MGAM2: variants seen among roughly 807,000 people sequenced by gnomAD.
MGAM2 encodes maltase-glucoamylase 2 (putative).
MGAM2 carries 98 observed loss-of-function variants against 96.1 expected under a neutral mutation model. The ratio of observed to expected loss-of-function variants is 1.02; its 90% CI spans 0.87 to 1.21. The LOEUF (loss-of-function observed/expected upper bound fraction) is 1.21. Among genes scored for constraint, MGAM2 ranks in the 50% most tolerant of loss-of-function variants. The pLI is 0.00. For synonymous variants in MGAM2, 749 were observed against 414.8 expected (o/e 1.81, Z -9.79); for missense variants, 2,055 against 1,182.4 (o/e 1.74, Z -10.82).
intron 45 of MGAM2, among the ~76,000 whole-genome samples, chr7:142,207,756 T>C (rs1449686508): frequency 6.6e-6 from 1 of 151,996 alleles, no homozygotes; most frequent in Admixed American, 6.6e-5. Context: ...TTAAGATGTA[T>C]GGTAATAAAA....
chr7:142,176,201 T>C (rs529430108), intron 32 of MGAM2, among the ~76,000 whole-genome samples: 2 of 152,230 alleles, frequency 1.3e-5, no homozygotes, highest in South Asian at 2.1e-4. Context: ...AAATCTCTTA[T>C]GTTGTATCAT....
At chr7:142,183,177 T>A in intron 32 of MGAM2, 89 bp from the exon 33 acceptor site, 1 of 633,226 alleles carries the variant, frequency 1.6e-6, no homozygotes, top group Non-Finnish European at 2.8e-6. Context: ...CACCATTTCC[T>A]TCTGCACTAT....
At chr7:142,173,457 C>A in intron 31 of MGAM2, 103 bp downstream of exon 31, 1 of 609,826 alleles carries the variant, frequency 1.6e-6, no homozygotes, top group South Asian at 2.0e-5. Flanking sequence ...TAACTTGATA[C>A]ATTCAGGCTG....
chr7:142,147,429 G>T (rs1435371892), intron 14 of MGAM2, 27 bp from the exon 15 acceptor site: 1 of 690,886 alleles, frequency 1.4e-6, no homozygotes, highest in Non-Finnish European at 2.6e-6. Context: ...ATGAGGAAGT[G>T]CCTCACTAAT....
rs1427393697 is a variant in MGAM2 at position 142,171,455 on chromosome 7, A to G, written c.3351+15A>G. On this transcript the variant is annotated intron_variant, in intron 28 of 47. Transcript: ENST00000477922. Reference sequence around the variant, plus strand: ...AGCCACCTGCGGTAGGGACAAAGGAATAAGTTTAGCAATCAGTTTCTCTTT... The same window carrying G: ...AGCCACCTGCGGTAGGGACAAAGGAGTAAGTTTAGCAATCAGTTTCTCTTT... The G allele has an allele frequency of 1.4e-6, 1 of 701,148 alleles. No homozygotes were observed. The highest frequency in any genetic ancestry group is 1.5e-5 in the South Asian group (1 of 67,528). The allele number at this position is 701,148 out of a possible 1,614,324, so 43.4% of individuals were successfully genotyped here.
At chr7:142,117,045 T>G in intron 2 of MGAM2, 66 bp downstream of exon 2, 1 of 699,068 alleles carries the variant, frequency 1.4e-6, no homozygotes, top group South Asian at 1.5e-5. Context: ...CCAAAGAGAT[T>G]ATTTTATTCT....
At chr7:142,204,281 G>A (rs1797332155) in intron 45 of MGAM2, among the ~76,000 whole-genome samples, 1 of 151,570 alleles carries the variant, frequency 6.6e-6, no homozygotes, top group East Asian at 1.9e-4. Context: ...ACAGTTTATG[G>A]ATAATATATT....
rs1257640308 is a variant in MGAM2 at position 142,146,876 on chromosome 7, C to T, written c.1517-580C>T. On this transcript the variant is annotated intron_variant, in intron 14 of 47. Transcript: ENST00000477922. ...CCAAGTAGCTGGGACTGTAGGCGCA[C>T]ACCACCATGCCTGGCTAATTTTTGT... 3.3e-5 allele frequency among the ~76,000 whole-genome samples: 5 copies of T among 152,108 alleles called. No individual in the cohort carries two copies. The Middle Eastern group carries it at 0.01, about 310-fold the overall frequency.
At chr7:142,129,095 G>A (rs1585145758) in intron 3 of MGAM2, among the ~76,000 whole-genome samples, 1 of 152,324 alleles carries the variant, frequency 6.6e-6, no homozygotes, top group East Asian at 1.9e-4. Context: ...GCATGACCTG[G>A]ATGTGAGACA....
intron 37 of MGAM2, among the ~76,000 whole-genome samples, chr7:142,191,904 G>A (rs1324576521): frequency 1.3e-5 from 2 of 151,816 alleles, no homozygotes; most frequent in African/African-American, 4.8e-5. Context: ...ATTATTTTTA[G>A]TTTTTAATGT....
intron 21 of MGAM2, 67 bp from the exon 22 acceptor site, chr7:142,161,058 A>T (rs999898567): frequency 1.9e-5 from 13 of 689,154 alleles, no homozygotes; most frequent in African/African-American, 3.5e-5. Flanking sequence ...TGGGGGATGA[A>T]GGTGGCTGGT....
rs1185715396 is a variant in MGAM2, at chr7:142,143,898, T to C, written c.1431+16T>C. The C allele has an allele frequency of 7.1e-6, 5 of 701,488 alleles. No homozygotes were observed. The highest frequency in any genetic ancestry group is 2.7e-5 in the East Asian group (1 of 37,272). 43.5% of individuals were successfully genotyped at this position (701,488 alleles called of 1,614,324 possible). ...AGTGTGGATTGTAAGTTATTATTCC[T>C]GACTCAAATTTCCTTTGGAAACAGA... On this transcript the variant is annotated intron_variant, in intron 13 of 47. Coordinates refer to ENST00000477922, the MANE Select transcript of MGAM2 (RefSeq NM_001293626.2).
chr7:142,161,085 T>C, intron 21 of MGAM2, 40 bp from the exon 22 acceptor site: 1 of 700,280 alleles, frequency 1.4e-6, no homozygotes, highest in East Asian at 2.7e-5. Flanking sequence ...TAGTTCCATC[T>C]CATCTACATT....
chr7:142,196,303 C>T lies in MGAM2; in HGVS notation c.4480+16C>T, dbSNP rs138529924. 7.1e-4 allele frequency: 512 copies of T among 722,018 alleles called. 5 individuals are homozygous for T. The African/African-American group carries it at 7.5e-3, about 11-fold the overall frequency. 44.7% of individuals were successfully genotyped at this position (722,018 alleles called of 1,614,324 possible). ...TCTATCATTGGTGTGTGGGCTCATT[C>T]CCAGGGGCCTGTGCTGGCAGGGAGG... is the stretch of plus-strand genomic sequence containing the variant. On this transcript the variant is annotated intron_variant, in intron 38 of 47. Coordinates refer to ENST00000477922, the MANE Select transcript of MGAM2 (RefSeq NM_001293626.2).
intron 3 of MGAM2, among the ~76,000 whole-genome samples, chr7:142,120,634 A>C (rs961383565): frequency 1.3e-5 from 2 of 152,230 alleles, no homozygotes; most frequent in African/African-American, 4.8e-5. Context: ...GGGCGATTAC[A>C]GGTGTTACTA....
chr7:142,161,281 C>T, intron 22 of MGAM2, 68 bp downstream of exon 22: 1 of 687,984 alleles, frequency 1.5e-6, no homozygotes, highest in Non-Finnish European at 2.7e-6. Flanking sequence ...TCATCATAGG[C>T]TGCCCAATAT....
chr7:142,170,188 T>C lies in MGAM2; in HGVS notation c.3141T>C (p.Pro1047=). 1 of 702,734 alleles carries C rather than the reference T, an allele frequency of 1.4e-6. No individual in the cohort carries two copies. Among genetic ancestry groups the C allele is most frequent in the South Asian group, 1.5e-5 (1 of 67,574 alleles). 43.5% of individuals were successfully genotyped at this position (702,734 alleles called of 1,614,324 possible). A position where few individuals can be genotyped will look rare whatever the true frequency, so the allele number is the denominator to read the frequency against. The change falls in exon 27 of 48, where the codon CCT becomes CCC. Residue 1047 remains proline, a synonymous_variant. Coordinates refer to ENST00000477922, the MANE Select transcript of MGAM2 (RefSeq NM_001293626.2). ...ATGATGTCAGGATTCAGAACAATCC[T>C]TTTGGAATCCAGATTCAACGCAAAA... ...RLYDVRIQNN[P]FGIQIQRKNS... is the part of the protein sequence containing the mutation.
At chr7:142,206,134 G>A (rs977863996) in intron 45 of MGAM2, among the ~76,000 whole-genome samples, 4 of 151,958 alleles carry the variant, frequency 2.6e-5, no homozygotes, top group African/African-American at 9.7e-5. Context: ...CATTTCTATT[G>A]CCTTAATCTA....
intron 45 of MGAM2, among the ~76,000 whole-genome samples, chr7:142,204,923 A>G (rs188826633): frequency 1.2e-4 from 19 of 152,166 alleles, no homozygotes; most frequent in African/African-American, 4.1e-4. Context: ...TTATAAGGGC[A>G]TACTACGGTG....
Sources: allele counts gnomAD v4.1 joint callset (sites outside exome capture counted in the v4.1 genomes callset), GRCh38; gene constraint gnomAD v4.1.1; transcripts MANE v1.5; gene names NCBI Gene and HGNC (gene_info 2026-07-23, HGNC 2026-07-21).